Variants in CTTN observed in about 807,000 individuals in gnomAD.
CTTN encodes src substrate cortactin.
A neutral mutation model predicts 84.0 loss-of-function variants in CTTN; 28 were observed. The ratio of observed to expected loss-of-function variants is 0.33; its 90% CI spans 0.25 to 0.46. The LOEUF (loss-of-function observed/expected upper bound fraction) is 0.46. CTTN is among the 20% of genes least tolerant of loss of function. The pLI, the probability that CTTN is intolerant of heterozygous loss-of-function variation, is 1.00. For missense variants in CTTN, 641 were observed against 723.8 expected (o/e 0.89, Z 1.31); for synonymous variants, 301 against 288.8 (o/e 1.04, Z -0.43).
intron 12 of CTTN, among the ~76,000 whole-genome samples, chr11:70,423,546 G>A (rs927132396): frequency 1.1e-4 from 17 of 152,240 alleles, no homozygotes; most frequent in African/African-American, 4.1e-4. Flanking sequence ...GCGTAGGCAG[G>A]CAGAGCAGGT....
At chr11:70,403,130 C>A (rs1356660512) in intron 1 of CTTN, among the ~76,000 whole-genome samples, 1 of 151,286 alleles carries the variant, frequency 6.6e-6, no homozygotes, top group Non-Finnish European at 1.5e-5. Context: ...CTCTTCAGAT[C>A]CTTCAATCAT....
intron 11 of CTTN, chr11:70,422,380 G>A: frequency 1.6e-6 from 1 of 634,248 alleles, no homozygotes; most frequent in Non-Finnish European, 2.5e-6. Context: ...AGACTGCATG[G>A]AGATGGCAGT....
chr11:70,431,159 G>A (rs764947996), intron 14 of CTTN, 32 bp from the exon 15 acceptor site: 8 of 1,600,176 alleles, frequency 5.0e-6, no homozygotes, highest in Admixed American at 1.7e-5. Flanking sequence ...TGTCATGGCA[G>A]CATTCTGATT....
Position 70,435,048 on chromosome 11 carries a change from T to C in CTTN, c.1539T>C (p.Phe513=). ...YQAAGDDEIS[F]DPDDIITNIE... ...CAGCGGGCGATGATGAGATCTCATTTGACCCTGATGACATCATCACCAACA... is the reference window on the plus strand; with the variant it reads ...CAGCGGGCGATGATGAGATCTCATTCGACCCTGATGACATCATCACCAACA... The change falls in exon 18 of 18, where the codon TTT becomes TTC. Residue 513 remains phenylalanine, a synonymous_variant. Transcript: ENST00000301843. 4.3e-6 allele frequency: 7 copies of C among 1,614,100 alleles called. No individual in the cohort carries two copies. Among genetic ancestry groups the C allele is most frequent in the Non-Finnish European group, 5.9e-6 (7 of 1,180,018 alleles).
chr11:70,415,459 C>T (rs891186140), intron 6 of CTTN, among the ~76,000 whole-genome samples: 8 of 152,220 alleles, frequency 5.3e-5, no homozygotes, highest in Admixed American at 3.3e-4. Context: ...CTGCGCCGCC[C>T]ACTGGGCCTT....
intron 17 of CTTN, among the ~76,000 whole-genome samples, chr11:70,434,025 G>C (rs556470997): frequency 6.6e-6 from 1 of 152,170 alleles, no homozygotes; most frequent in African/African-American, 2.4e-5. Flanking sequence ...CAAAGATGCT[G>C]TCCCACAGGG....
intron 8 of CTTN, among the ~76,000 whole-genome samples, chr11:70,418,384 C>A (rs960376019): frequency 6.6e-6 from 1 of 152,254 alleles, no homozygotes; most frequent in Admixed American, 6.5e-5. Context: ...GCGCATGCTC[C>A]GCGAAGCTGC....
chr11:70,435,505 C>G lies in CTTN; in HGVS notation c.*343C>G. ...CATTCTCTTGTGTTCGTGTTGCCCT[C>G]GTGCCCATCAAGTGCAGTCGGGACC... is the stretch of plus-strand genomic sequence containing the variant. On this transcript the variant is annotated 3_prime_UTR_variant, in exon 18 of 18. Transcript: ENST00000301843. 2 of 1,558,882 alleles carry G rather than the reference C, an allele frequency of 1.3e-6. No individual in the cohort carries two copies. Among genetic ancestry groups the G allele is most frequent in the Non-Finnish European group, 1.7e-6 (2 of 1,159,508 alleles).
chr11:70,421,628 G>A, intron 11 of CTTN, 48 bp downstream of exon 11: 5 of 1,309,938 alleles, frequency 3.8e-6, no homozygotes, highest in South Asian at 1.2e-5. Context: ...CTCCTGTGCG[G>A]CCACTTCTAG....
chr11:70,431,210 C>G lies in CTTN; in HGVS notation c.1196C>G (p.Thr399Arg), dbSNP rs373036539. The G allele has an allele frequency of 1.9e-6, 3 of 1,614,166 alleles. No individual in the cohort carries two copies. The highest frequency in any genetic ancestry group is 2.5e-6 in the Non-Finnish European group (3 of 1,180,020). ...TCACAGGAGCAAGCCAGAGCCAAAACGCAAACGCCCCCTGTGTCGCCCGCA... is the reference window on the plus strand; with the variant it reads ...TCACAGGAGCAAGCCAGAGCCAAAAGGCAAACGCCCCCTGTGTCGCCCGCA... ...RKLEEQARAK[T>R]QTPPVSPAPQ... Residue 399 changes from threonine (T) to arginine (R), a missense_variant, in exon 15 of 18, where the codon ACG becomes AGG. Physicochemically the swap from Thr to Arg is moderately conservative, Grantham distance 71. Coordinates refer to ENST00000301843, the MANE Select transcript of CTTN (RefSeq NM_005231.4).
intron 8 of CTTN, among the ~76,000 whole-genome samples, chr11:70,418,779 C>CTT (rs1222632596): frequency 7.8e-5 from 11 of 140,914 alleles, no homozygotes; most frequent in East Asian, 2.0e-4. Context: ...TACTTTATTT[C>CTT]TTTTTTTTTT....
chr11:70,434,038 A>AC (rs1326451444), intron 17 of CTTN, among the ~76,000 whole-genome samples: 1 of 152,116 alleles, frequency 6.6e-6, no homozygotes, highest in Non-Finnish European at 1.5e-5. Context: ...CCACAGGGAC[A>AC]CCCCACCCTC....
chr11:70,431,331 C>T, intron 15 of CTTN, 51 bp downstream of exon 15: 3 of 1,580,688 alleles, frequency 1.9e-6, no homozygotes, highest in Non-Finnish European at 2.6e-6. Context: ...TGCCAGAGCC[C>T]AGGTCCTGTT....
chr11:70,434,741 G>A (rs1479433590), intron 17 of CTTN, among the ~76,000 whole-genome samples: 3 of 152,252 alleles, frequency 2.0e-5, no homozygotes, highest in African/African-American at 4.8e-5. Flanking sequence ...GAGGGCAGGC[G>A]GGGCTGGAGT....
chr11:70,417,186 T>C, intron 8 of CTTN, 63 bp downstream of exon 8: 1 of 1,217,090 alleles, frequency 8.2e-7, no homozygotes, highest in Admixed American at 1.7e-5. Context: ...GAGGGCATTT[T>C]CTCTCTGCAC....
chr11:70,422,014 C>T (rs1383910854), intron 11 of CTTN: 2 of 215,150 alleles, frequency 9.3e-6, no homozygotes, highest in South Asian at 7.8e-5. Flanking sequence ...GGCTTCGTAG[C>T]AGCAAGGGCC....
intron 5 of CTTN, among the ~76,000 whole-genome samples, chr11:70,410,790 G>A (rs1399817216): frequency 6.6e-6 from 1 of 152,306 alleles, no homozygotes; most frequent in East Asian, 1.9e-4. Context: ...TCTGTGGAAA[G>A]AAGTGTGTTA....
Position 70,407,617 on chromosome 11 carries a change from C to T in CTTN, c.161+26C>T, listed in dbSNP as rs370048343. ...GTAAGAGGCGTCGCCACCACCCTCC[C>T]GAGGGCCCCTCTGCGGATGGAGCCC... On this transcript the variant is annotated intron_variant, in intron 4 of 17. Coordinates refer to ENST00000301843, the MANE Select transcript of CTTN (RefSeq NM_005231.4). 37 of 1,609,312 alleles carry T rather than the reference C, an allele frequency of 2.3e-5. 1 individual carries two copies. In the Middle Eastern group the frequency reaches 7.8e-4, roughly 34 times the overall value.
chr11:70,420,910 A>C (rs2135578605), intron 10 of CTTN, among the ~76,000 whole-genome samples: 1 of 152,344 alleles, frequency 6.6e-6, no homozygotes, highest in Admixed American at 6.5e-5. Context: ...CCAAGCCTGC[A>C]GTGCTCCTCA....
Sources: gnomAD v4.1 joint callset for allele counts (sites outside exome capture counted in the v4.1 genomes callset) on GRCh38, gnomAD v4.1.1 for gene constraint, MANE v1.5 for transcripts, NCBI Gene and HGNC (gene_info 2026-07-23, HGNC 2026-07-21) for gene names.